ALG13: variants seen among roughly 807,000 people sequenced by gnomAD.
The protein encoded by ALG13 is ALG13 UDP-N-acetylglucosaminyltransferase subunit, also known as UDP-N-acetylglucosamine transferase subunit ALG13.
ALG13 carries 11 observed loss-of-function variants against 87.8 expected under a neutral mutation model. That is an observed-to-expected ratio of 0.13 (90% CI 0.08 to 0.21). The LOEUF is 0.21. Among genes scored for constraint, ALG13 ranks in the 10% least tolerant of loss-of-function variants. The pLI is 1.00. For missense variants in ALG13, 756 were observed against 866.1 expected, an observed-to-expected ratio of 0.87 and a Z score of 1.60; for synonymous variants, 320 against 306.3, an observed-to-expected ratio of 1.04 and a Z score of -0.47.
intron 3 of ALG13, among the ~76,000 whole-genome samples, chrX:111,694,185 A>G (rs889283107): frequency 2.7e-5 from 3 of 109,552 alleles, no homozygotes; most frequent in Non-Finnish European, 5.7e-5. Context: ...CTGGGACTAC[A>G]GGCGCCCACC....
chrX:111,700,437 T>C lies in ALG13; in HGVS notation c.384-7590T>C, dbSNP rs774037022. Among the ~76,000 whole-genome samples the C allele has an allele frequency of 3.6e-5, 4 of 111,516 alleles. No individual in the cohort carries two copies. The South Asian group carries it at 1.5e-3, about 42-fold the overall frequency. ...AGTGGTGAGAGGGGGCATCCTTGTC[T>C]TGTCCCTGATCTCAGAGGAAAAGCT... On this transcript the variant is annotated intron_variant, in intron 3 of 26. Coordinates refer to ENST00000394780, the MANE Select transcript of ALG13 (RefSeq NM_001099922.3).
At chrX:111,723,926 C>A in intron 14 of ALG13, 28 bp downstream of exon 14, 1 of 952,749 alleles carries the variant, frequency 1.0e-6, no homozygotes, top group Non-Finnish European at 1.4e-6. Flanking sequence ...TGTTGAATTA[C>A]TGAAATCTTT....
chrX:111,706,458 T>A (rs1672042873), intron 3 of ALG13, among the ~76,000 whole-genome samples: 1 of 112,807 alleles, frequency 8.9e-6, no homozygotes, highest in South Asian at 3.6e-4. Flanking sequence ...TACAGTTTCT[T>A]TAAAAAAGAA....
intron 18 of ALG13, 79 bp from the exon 19 acceptor site, chrX:111,728,106 G>A: frequency 8.6e-7 from 1 of 1,163,356 alleles, no homozygotes; most frequent in African/African-American, 1.8e-5. Context: ...TTTTTAAACT[G>A]CCTTTTAAAA....
rs1423775833 is a variant in ALG13, at chrX:111,727,848, A to C, written c.2247+78A>C. 5.0e-6 allele frequency: 5 copies of C among 993,631 alleles called. No individual in the cohort carries two copies. The East Asian group carries it at 1.3e-4, about 26-fold the overall frequency. 81.9% of individuals were successfully genotyped at this position (993,631 alleles called of 1,213,427 possible). A position where few individuals can be genotyped will look rare whatever the true frequency, so the allele number is the denominator to read the frequency against. On this transcript the variant is annotated intron_variant, in intron 18 of 26. Coordinates refer to ENST00000394780, the MANE Select transcript of ALG13 (RefSeq NM_001099922.3). ...TTTTGAAGTAAAGGCAATGTGGATA[A>C]ATTTTAGATTTTGTACAAATAACCA... is the stretch of plus-strand genomic sequence containing the variant.
chrX:111,712,875 T>C (rs1348779503), intron 7 of ALG13, among the ~76,000 whole-genome samples: 1 of 111,370 alleles, frequency 9.0e-6, no homozygotes, highest in African/African-American at 3.3e-5. Context: ...GCCTATTTTC[T>C]AGCCTTTTGC....
chrX:111,726,326 C>T (rs986070208), intron 15 of ALG13, among the ~76,000 whole-genome samples: 73 of 102,046 alleles, frequency 7.2e-4, no homozygotes, highest in South Asian at 9.6e-4. Context: ...CTCCACCTTT[C>T]GGGCTCAAGC....
intron 24 of ALG13, among the ~76,000 whole-genome samples, chrX:111,749,339 G>T (rs1206816461): frequency 9.1e-6 from 1 of 110,467 alleles, no homozygotes; most frequent in African/African-American, 3.3e-5. Context: ...TGGTGTTTTA[G>T]TCAAAAATCA....
At chrX:111,703,975 C>T (rs1253611069) in intron 3 of ALG13, among the ~76,000 whole-genome samples, 1 of 112,259 alleles carries the variant, frequency 8.9e-6, no homozygotes, top group Non-Finnish European at 1.9e-5. Context: ...TACATTCCCA[C>T]TAGCAACGTA....
rs372178847 is a variant in ALG13 at position 111,748,638 on chromosome X, T to C, written c.2932+3734T>C. ...AGTTGCAGACGTTCTCTGCATATTC[T>C]CTATGCTAGTCTTTTGTCAGGTATG... is the stretch of plus-strand genomic sequence containing the variant. On this transcript the variant is annotated intron_variant, in intron 24 of 26. Coordinates refer to ENST00000394780, the MANE Select transcript of ALG13 (RefSeq NM_001099922.3). Among the ~76,000 whole-genome samples the C allele has an allele frequency of 6.2e-5, 7 of 112,290 alleles. No individual in the cohort carries two copies. In the East Asian group the frequency reaches 2.0e-3, roughly 31 times the overall value.
At chrX:111,728,706 C>T (rs149766663) in intron 19 of ALG13, among the ~76,000 whole-genome samples, 10,118 of 110,212 alleles carry the variant, frequency 0.092, 1,102 homozygotes, top group African/African-American at 0.31. Flanking sequence ...AGTAACTATT[C>T]GATAGTTACT....
In ALG13 at chrX:111,728,208, G is replaced by A; in HGVS notation, c.2271G>A (p.Met757Ile). 1 of 1,211,115 alleles carries A rather than the reference G, an allele frequency of 8.3e-7. No individual in the cohort carries two copies. Among genetic ancestry groups the A allele is most frequent in the African/African-American group, 1.7e-5 (1 of 57,755 alleles). Residue 757 changes from methionine (M) to isoleucine (I), a missense_variant, in exon 19 of 27, where the codon ATG becomes ATA. Around this residue, in one of 9 missense-constraint regions of ALG13, gnomAD observed 362 missense variants for 383.5 expected, o/e 0.94. Transcript: ENST00000394780. ...AGAATCATGGAGGTCCCTCTACAAT[G>A]GTTCCTGCTACTTCAGGATACTGTG... is the stretch of plus-strand genomic sequence containing the variant. ...TLPNHGGPST[M>I]VPATSGYCVG...
At chrX:111,726,690 T>C (rs747728303) in intron 15 of ALG13, 119 bp from the exon 16 acceptor site, 4 of 806,571 alleles carry the variant, frequency 5.0e-6, no homozygotes, top group Non-Finnish European at 7.2e-6. Context: ...TCCCTATGTT[T>C]ATTTGGTTTG....
intron 3 of ALG13, among the ~76,000 whole-genome samples, chrX:111,698,950 G>A (rs1937356628): frequency 9.0e-6 from 1 of 111,051 alleles, no homozygotes; most frequent in Non-Finnish European, 1.9e-5. Flanking sequence ...TTTCTATAAT[G>A]GCTGTACTAA....
rs764236123 is a variant in ALG13 at position 111,711,715 on chromosome X, G to A, written c.875G>A (p.Gly292Glu). The change falls in exon 6 of 27, where the codon GGA becomes GAA. Residue 292 changes from glycine (G) to glutamate (E), a missense_variant. Around this residue, in one of 9 missense-constraint regions of ALG13, gnomAD observed 60 missense variants for 54.5 expected, o/e 1.10. Transcript: ENST00000394780. ...TTTGAGAAATACCTGGAACGGTTGG[G>A]AGATCCCAAGGTAAGATCAAATATG... ...GSFEKYLERL[G>E]DPKESAGQLE... 2 of 1,207,150 alleles carry A rather than the reference G, an allele frequency of 1.7e-6. No homozygotes were observed. Among genetic ancestry groups the A allele is most frequent in the East Asian group, 3.0e-5 (1 of 33,734 alleles).
In ALG13 at chrX:111,694,984, G is replaced by A. The variant is rs181271710; in HGVS notation, c.383+9881G>A. 4.4e-3 allele frequency among the ~76,000 whole-genome samples: 491 copies of A among 111,792 alleles called. 2 individuals are homozygous for A. Among genetic ancestry groups the A allele is most frequent in the Admixed American group, 6.6e-3 (70 of 10,556 alleles). ...TGGTTAGTTTTTGTTTTGAGAAGTA[G>A]GACTAAGATCTATTTTTAGAATTCA... On this transcript the variant is annotated intron_variant, in intron 3 of 26. Transcript: ENST00000394780.
At chrX:111,738,703 A>G (rs762772331) in intron 23 of ALG13, among the ~76,000 whole-genome samples, 1 of 110,495 alleles carries the variant, frequency 9.1e-6, no homozygotes, top group African/African-American at 3.3e-5. Context: ...ACACTCGGCT[A>G]ATTACTGTGT....
At chrX:111,740,127 T>C (rs951187398) in intron 23 of ALG13, among the ~76,000 whole-genome samples, 4 of 111,580 alleles carry the variant, frequency 3.6e-5, no homozygotes, top group Non-Finnish European at 7.5e-5. Context: ...GCCTTATGTT[T>C]GGAGGGTGTA....
At chrX:111,718,035 G>A (rs1033427112) in intron 9 of ALG13, 77 bp from the exon 10 acceptor site, 54 of 1,082,962 alleles carry the variant, frequency 5.0e-5, no homozygotes, top group Admixed American at 8.2e-5. Flanking sequence ...CTATTTGCAC[G>A]CAGGATTATG....
Sources: allele counts gnomAD v4.1 joint callset (sites outside exome capture counted in the v4.1 genomes callset), GRCh38; gene constraint gnomAD v4.1.1; regional missense constraint gnomAD v4.1.1; transcripts MANE v1.5; gene names NCBI Gene and HGNC (gene_info 2026-07-23, HGNC 2026-07-21).